FLRT1: variants seen among roughly 807,000 people sequenced by gnomAD.
FLRT1 encodes fibronectin leucine rich transmembrane protein 1, also known as leucine-rich repeat transmembrane protein FLRT1.
In FLRT1, 14 loss-of-function variants were observed where a neutral mutation model predicts 30.9. That is an observed-to-expected ratio of 0.45 (90% confidence interval 0.30 to 0.71). The LOEUF (loss-of-function observed/expected upper bound fraction) is 0.71, where lower values mean the gene tolerates loss of function less well. FLRT1 is among the 30% of genes least tolerant of loss of function. The pLI is 0.08. For missense variants in FLRT1, 737 were observed against 949.2 expected, an observed-to-expected ratio of 0.78 and a Z score of 2.94; for synonymous variants, 368 against 430.4, an observed-to-expected ratio of 0.85 and a Z score of 1.80.
chr11:64,059,372 A>G (rs1229968012), intron 1 of FLRT1, among the ~76,000 whole-genome samples: 1 of 152,198 alleles, frequency 6.6e-6, no homozygotes, highest in Non-Finnish European at 1.5e-5. Flanking sequence ...AGAGGCTCGC[A>G]GCCCAGCAGG....
intron 1 of FLRT1, among the ~76,000 whole-genome samples, chr11:64,093,617 C>T (rs1372187256): frequency 2.0e-5 from 3 of 152,234 alleles, no homozygotes; most frequent in African/African-American, 7.2e-5. Flanking sequence ...CAGAACAGGT[C>T]GGTCTTCCTT....
rs377020952 is a variant in FLRT1 at position 64,117,044 on chromosome 11, G to A, written c.777G>A (p.Ser259=). 2.2e-5 allele frequency: 36 copies of A among 1,606,648 alleles called. No homozygotes were observed. Among genetic ancestry groups the A allele is most frequent in the Non-Finnish European group, 2.5e-5 (29 of 1,176,952 alleles). ...NLTELSLVRN[S]LAAPPLNLPS... ...CAGAGCTCTCGCTGGTGCGCAATTCGCTGGCCGCGCCACCCCTCAACCTGC... is the reference window on the plus strand; with the variant it reads ...CAGAGCTCTCGCTGGTGCGCAATTCACTGGCCGCGCCACCCCTCAACCTGC... The change falls in exon 3 of 3, where the codon TCG becomes TCA. Residue 259 remains serine (S), a synonymous_variant. Transcript: ENST00000682287.
chr11:64,117,344 C>G lies in FLRT1; in HGVS notation c.1077C>G (p.Gly359=). ...VVNVRGLMCQ[G]PEKVRGMAIK... ...ACGTGCGGGGCCTCATGTGCCAGGG[C>G]CCTGAGAAGGTCCGGGGCATGGCCA... Residue 359 remains glycine, a synonymous_variant, in exon 3 of 3, where the codon GGC becomes GGG. Transcript: ENST00000682287. The G allele has an allele frequency of 6.2e-7, 1 of 1,613,922 alleles. No homozygotes were observed. Among genetic ancestry groups the G allele is most frequent in the Non-Finnish European group, 8.5e-7 (1 of 1,179,882 alleles).
At chr11:64,061,873 C>CTTT (rs57666180) in intron 1 of FLRT1, among the ~76,000 whole-genome samples, 174 of 99,100 alleles carry the variant, frequency 1.8e-3, no homozygotes, top group Non-Finnish European at 2.3e-3. Context: ...ACCACGCTGG[C>CTTT]TTTTTTTTTT....
At chr11:64,044,071 CT>C (rs1197443326) in intron 1 of FLRT1, among the ~76,000 whole-genome samples, 1 of 151,946 alleles carries the variant, frequency 6.6e-6, no homozygotes, top group African/African-American at 2.4e-5. Context: ...CCACTTCGGC[CT>C]CCCAAAGTGC....
At chr11:64,083,214 T>C (rs1944333907) in intron 1 of FLRT1, 1 of 152,344 alleles carries the variant, frequency 6.6e-6, no homozygotes, top group East Asian at 1.9e-4. Context: ...GGTGGGTAGA[T>C]TGCCTGAGCT....
chr11:64,112,340 C>T (rs554749185), intron 2 of FLRT1, among the ~76,000 whole-genome samples: 2 of 152,148 alleles, frequency 1.3e-5, no homozygotes, highest in East Asian at 3.9e-4. Flanking sequence ...GGTGAGACCC[C>T]CGTCTCTACT....
intron 1 of FLRT1, among the ~76,000 whole-genome samples, chr11:64,077,175 A>G (rs953796827): frequency 6.6e-6 from 1 of 152,132 alleles, no homozygotes; most frequent in Non-Finnish European, 1.5e-5. Context: ...TCTGCAGCTG[A>G]GGTCTTCAGA....
rs1483624165 is a variant in FLRT1 at position 64,086,138 on chromosome 11, GCA to G, written c.-1037-17049_-1037-17048del. Among the ~76,000 whole-genome samples the G allele has an allele frequency of 2.6e-5, 4 of 152,296 alleles. No homozygotes were observed. In the East Asian group the frequency reaches 7.7e-4, roughly 29 times the overall value. ...CAGCACTGGTGGGGTGGGTGGCTGC[GCA>G]CACACAGCCATTCAGGGGAAGCCGG... On this transcript the variant is annotated intron_variant, in intron 1 of 2. Coordinates refer to ENST00000682287, the MANE Select transcript of FLRT1 (RefSeq NM_013280.5).
In FLRT1 at chr11:64,065,516, G is replaced by A. The variant is rs538425403; in HGVS notation, c.-1038+29357G>A. Among the ~76,000 whole-genome samples the A allele has an allele frequency of 1.2e-4, 18 of 152,278 alleles. No individual in the cohort carries two copies. The South Asian group carries it at 2.1e-3, about 18-fold the overall frequency. The stretch of plus-strand genomic sequence containing the variant: ...TTAAAAGATGAACAAGGGGCCAGGC[G>A]CGGTGGCTCATGCCTGTAATCCCAG... On this transcript the variant is annotated intron_variant, in intron 1 of 2. Coordinates refer to ENST00000682287, the MANE Select transcript of FLRT1 (RefSeq NM_013280.5).
chr11:64,105,457 GA>G (rs1286406300), intron 2 of FLRT1, among the ~76,000 whole-genome samples: 3 of 152,200 alleles, frequency 2.0e-5, no homozygotes, highest in Admixed American at 2.0e-4. Flanking sequence ...TGTGACCTTG[GA>G]CAGGTCTGCC....
chr11:64,095,022 C>T (rs544381119), intron 1 of FLRT1, among the ~76,000 whole-genome samples: 4 of 152,252 alleles, frequency 2.6e-5, no homozygotes, highest in South Asian at 4.1e-4. Context: ...AAAAGTGTGC[C>T]GCGAATGCTT....
chr11:64,073,820 AG>A (rs1055538696), intron 1 of FLRT1, among the ~76,000 whole-genome samples: 11 of 151,500 alleles, frequency 7.3e-5, no homozygotes, highest in Non-Finnish European at 1.6e-4. Flanking sequence ...TGTGTTGGGG[AG>A]GGGGGCCCAC....
At chr11:64,039,490 G>A (rs1201857575) in intron 1 of FLRT1, among the ~76,000 whole-genome samples, 1 of 151,886 alleles carries the variant, frequency 6.6e-6, no homozygotes, top group African/African-American at 2.4e-5. Context: ...GGCCCACGAG[G>A]CAGCTGCATT....
At chr11:64,053,753 C>T (rs1294019451) in intron 1 of FLRT1, among the ~76,000 whole-genome samples, 1 of 152,126 alleles carries the variant, frequency 6.6e-6, no homozygotes, top group Non-Finnish European at 1.5e-5. Context: ...GACTGCTGGG[C>T]CTTGGTTGTT....
intron 1 of FLRT1, among the ~76,000 whole-genome samples, chr11:64,054,348 A>G (rs1472615350): frequency 6.6e-6 from 1 of 152,252 alleles, no homozygotes; most frequent in African/African-American, 2.4e-5. Context: ...AAAGGAAAGA[A>G]GCGGCCACTT....
In FLRT1 at chr11:64,118,325, C is replaced by G. The variant is rs766624364; in HGVS notation, c.*33C>G. The G allele has an allele frequency of 2.6e-6, 4 of 1,525,170 alleles. No homozygotes were observed. Among genetic ancestry groups the G allele is most frequent in the Non-Finnish European group, 3.5e-6 (4 of 1,132,072 alleles). 94.5% of individuals were successfully genotyped at this position (1,525,170 alleles called of 1,614,324 possible). On this transcript the variant is annotated 3_prime_UTR_variant, in exon 3 of 3. Transcript: ENST00000682287. The stretch of plus-strand genomic sequence containing the variant: ...CCACCCGGGCTGCCCCGCCTCAGCC[C>G]CAGCTGCCCTGGCGTGGCCATGTGG...
At chr11:64,065,143 G>A (rs555164911) in intron 1 of FLRT1, among the ~76,000 whole-genome samples, 4 of 152,232 alleles carry the variant, frequency 2.6e-5, no homozygotes, top group Non-Finnish European at 5.9e-5. Flanking sequence ...GGGCCTGGAG[G>A]TGAGGTAGAA....
chr11:64,051,751 C>G (rs183292214), intron 1 of FLRT1, among the ~76,000 whole-genome samples: 117 of 152,266 alleles, frequency 7.7e-4, no homozygotes, highest in African/African-American at 2.7e-3. Flanking sequence ...GCCCTGCGGC[C>G]CAGTCCCTCT....
Sources: allele counts gnomAD v4.1 joint callset (sites outside exome capture counted in the v4.1 genomes callset), GRCh38; gene constraint gnomAD v4.1.1; transcripts MANE v1.5; gene names NCBI Gene and HGNC (gene_info 2026-07-23, HGNC 2026-07-21).